Variants in RIN3 observed in about 807,000 individuals in gnomAD.
RIN3 encodes RAB5 interacting protein 3.
RIN3 carries 54 observed loss-of-function variants against 76.3 expected under a neutral mutation model. The observed-to-expected ratio is 0.71, with a 90% CI of 0.57 to 0.89. The LOEUF is 0.89. Ranked by LOEUF, RIN3 falls within the 40% of genes least tolerant of loss-of-function variation. The probability of loss-of-function intolerance (pLI) is 0.00; values close to 1 mark genes in which losing one functional copy is unlikely to be tolerated. For missense variants in RIN3, 1,256 were observed against 1,322.1 expected (o/e 0.95, Z 0.78); for synonymous variants, 576 against 564.0 (o/e 1.02, Z -0.30).
chr14:92,599,653 T>A (rs1275498589), intron 3 of RIN3, among the ~76,000 whole-genome samples: 1 of 152,064 alleles, frequency 6.6e-6, no homozygotes, highest in African/African-American at 2.4e-5. Context: ...TGGGTCTGGT[T>A]CTCTGGAGGG....
At chr14:92,647,234 A>G (rs1947943578) in intron 5 of RIN3, among the ~76,000 whole-genome samples, 2 of 152,206 alleles carry the variant, frequency 1.3e-5, no homozygotes, top group African/African-American at 4.8e-5. Flanking sequence ...TCATGAGCCG[A>G]CGTAAGAAAG....
intron 1 of RIN3, among the ~76,000 whole-genome samples, chr14:92,531,781 A>G (rs1896885427): frequency 6.6e-6 from 1 of 152,178 alleles, no homozygotes; most frequent in Non-Finnish European, 1.5e-5. Flanking sequence ...AAGGGCAGCT[A>G]TGGAGAACCT....
intron 9 of RIN3, chr14:92,686,073 A>C (rs1450522695): frequency 6.6e-6 from 1 of 152,394 alleles, no homozygotes; most frequent in Non-Finnish European, 1.5e-5. Flanking sequence ...TGAGAGTTGG[A>C]CTAGTGAGCC....
At chr14:92,617,333 T>C (rs1048853605) in intron 4 of RIN3, among the ~76,000 whole-genome samples, 1 of 151,914 alleles carries the variant, frequency 6.6e-6, no homozygotes, top group African/African-American at 2.4e-5. Flanking sequence ...AATTTAAAAA[T>C]TCCCCCCTTT....
At chr14:92,548,795 CTT>C (rs1228739251) in intron 1 of RIN3, among the ~76,000 whole-genome samples, 1 of 151,786 alleles carries the variant, frequency 6.6e-6, no homozygotes, top group Non-Finnish European at 1.5e-5. Context: ...GAAAAAGATC[CTT>C]TTTCCAAATA....
intron 3 of RIN3, among the ~76,000 whole-genome samples, chr14:92,589,462 C>T (rs1426271548): frequency 3.9e-5 from 6 of 152,094 alleles, no homozygotes; most frequent in Admixed American, 6.5e-5. Context: ...AAATACTGGT[C>T]GACTGGCTAA....
At chr14:92,596,030 A>G (rs999186420) in intron 3 of RIN3, among the ~76,000 whole-genome samples, 1 of 152,214 alleles carries the variant, frequency 6.6e-6, no homozygotes, top group African/African-American at 2.4e-5. Context: ...CCCAGGATCA[A>G]TGAGTAGTTT....
At chr14:92,533,576 A>G (rs951345751) in intron 1 of RIN3, among the ~76,000 whole-genome samples, 3 of 152,218 alleles carry the variant, frequency 2.0e-5, no homozygotes, top group Admixed American at 2.0e-4. Flanking sequence ...AGCAACCTGG[A>G]TGGAACTGGA....
intron 7 of RIN3, among the ~76,000 whole-genome samples, chr14:92,667,386 G>A (rs61992632): frequency 0.26 from 39,608 of 151,740 alleles, 6,381 homozygotes; most frequent in Non-Finnish European, 0.34. Context: ...GCATGGTGGC[G>A]CACACCTGTA....
Position 92,623,198 on chromosome 14 carries a change from G to A in RIN3, c.440+7719G>A, listed in dbSNP as rs770738551. ...TGTGGCTAATTCATCTGATAAGGAG[G>A]TAAGACCTTGTAAAGCTTTTGTAAT... On this transcript the variant is annotated intron_variant, in intron 4 of 9. Coordinates refer to ENST00000216487, the MANE Select transcript of RIN3 (RefSeq NM_024832.5). The surrounding 1 kb of genome is among the most constrained non-coding windows in gnomAD (Gnocchi z 4.9). Among the ~76,000 whole-genome samples, 3 of 152,242 alleles carry A rather than the reference G, an allele frequency of 2.0e-5. No individual in the cohort carries two copies. Among genetic ancestry groups the A allele is most frequent in the Non-Finnish European group, 4.4e-5 (3 of 68,038 alleles).
chr14:92,613,162 A>G (rs1859559853), intron 3 of RIN3, among the ~76,000 whole-genome samples: 1 of 152,104 alleles, frequency 6.6e-6, no homozygotes, highest in South Asian at 2.1e-4. Flanking sequence ...TTCCCTTCCC[A>G]TCTTACAGAT....
chr14:92,687,255 G>C (rs1287642403), intron 9 of RIN3: 1 of 152,378 alleles, frequency 6.6e-6, no homozygotes, highest in Non-Finnish European at 1.5e-5. Flanking sequence ...AGCCCGGCAG[G>C]TGTGGGGCTG....
chr14:92,593,223 C>T (rs553076801), intron 3 of RIN3, among the ~76,000 whole-genome samples: 3 of 152,174 alleles, frequency 2.0e-5, no homozygotes, highest in South Asian at 4.1e-4. Context: ...ATTAAAACTA[C>T]AAAAGGCAGA....
At position 92,659,331 on chromosome 14, in the gene RIN3, G is replaced by A. The variant is rs775960520; in HGVS notation, c.2197G>A (p.Val733Met). The change falls in exon 7 of 10, where the codon GTG (valine) becomes ATG (methionine). Residue 733 changes from valine to methionine, a missense_variant. Val to Met is a conservative substitution (Grantham distance 21, BLOSUM62 1). This residue lies in a region of RIN3 where 428 missense variants were observed against 521.2 expected (regional missense o/e 0.82). Transcript: ENST00000216487. The stretch of plus-strand genomic sequence containing the variant: ...CACTGACCTAGGTGTGACCACCAGC[G>A]TGCCGGAGGTGCCCATGATGGAGAA... ...TTTDLGVTTS[V>M]PEVPMMEKIL... The A allele has an allele frequency of 9.9e-6, 16 of 1,612,134 alleles. No homozygotes were observed. The Admixed American group carries it at 1.0e-4, about 10-fold the overall frequency.
At chr14:92,619,352 C>A (rs1017116590) in intron 4 of RIN3, among the ~76,000 whole-genome samples, 1 of 150,272 alleles carries the variant, frequency 6.7e-6, no homozygotes, top group Non-Finnish European at 1.5e-5. Flanking sequence ...GAAGTAGAAA[C>A]CTTTTATAAC....
chr14:92,659,184 T>C lies in RIN3; in HGVS notation c.2050T>C (p.Tyr684His). ...ELEAIVESAL[Y>H]KCVLKPLKEA... ...AGAAGCAATTGTAGAGTCTGCCTTG[T>C]ACAAATGTGTCCTGAAGCCCCTGAA... Residue 684 changes from tyrosine to histidine, a missense_variant, in exon 7 of 10, where the codon TAC (tyrosine) becomes CAC (histidine). By Grantham distance (83) the Tyr-to-His change is moderately conservative (BLOSUM62 2). Coordinates refer to ENST00000216487, the MANE Select transcript of RIN3 (RefSeq NM_024832.5). 6.2e-7 allele frequency: 1 copy of C among 1,614,184 alleles called. No individual in the cohort carries two copies.
At chr14:92,581,989 C>T (rs1178587555) in intron 3 of RIN3, among the ~76,000 whole-genome samples, 10 of 152,064 alleles carry the variant, frequency 6.6e-5, no homozygotes, top group Admixed American at 2.0e-4. Context: ...AGACAGCACC[C>T]GGGGGATGGT....
At chr14:92,600,589 C>G (rs1452267982) in intron 3 of RIN3, among the ~76,000 whole-genome samples, 2 of 152,232 alleles carry the variant, frequency 1.3e-5, no homozygotes, top group African/African-American at 4.8e-5. Context: ...TCCTCTGAGA[C>G]TGAGTCATGG....
chr14:92,573,440 C>T (rs79709503), intron 2 of RIN3, among the ~76,000 whole-genome samples: 235 of 152,294 alleles, frequency 1.5e-3, no homozygotes, highest in Admixed American at 2.6e-3. Context: ...TTGATTAAAT[C>T]ATTGGCCATG....
Sources: gnomAD v4.1 joint callset for allele counts (sites outside exome capture counted in the v4.1 genomes callset) on GRCh38, gnomAD v4.1.1 for gene constraint, gnomAD v4.1.1 regional missense constraint, Gnocchi (gnomAD v3.1) non-coding constraint, MANE v1.5 for transcripts, NCBI Gene and HGNC (gene_info 2026-07-23, HGNC 2026-07-21) for gene names.